KIAA1328: variants seen among roughly 807,000 people sequenced by gnomAD.
KIAA1328 encodes KIAA1328.
KIAA1328 carries 52 observed loss-of-function variants against 68.1 expected under a neutral mutation model. That is an observed-to-expected ratio of 0.76 (90% confidence interval 0.61 to 0.96). The LOEUF is 0.96. KIAA1328 is among the 40% of genes least tolerant of loss of function. KIAA1328 has a pLI of 0.00. For synonymous variants in KIAA1328, 232 were observed against 239.4 expected (o/e 0.97, Z 0.28); for missense variants, 641 against 677.6 (o/e 0.95, Z 0.60).
intron 5 of KIAA1328, among the ~76,000 whole-genome samples, chr18:36,909,231 C>T (rs1381956530): frequency 6.6e-6 from 1 of 151,978 alleles, no homozygotes; most frequent in East Asian, 1.9e-4. Flanking sequence ...GTGCTGCACC[C>T]ATTAACTCGT....
At chr18:37,165,484 A>T (rs1441875762) in intron 8 of KIAA1328, among the ~76,000 whole-genome samples, 1 of 151,340 alleles carries the variant, frequency 6.6e-6, no homozygotes. Context: ...CAATGGTGCT[A>T]TATCGGTTCA....
intron 9 of KIAA1328, among the ~76,000 whole-genome samples, chr18:37,175,978 CA>C (rs2059590646): frequency 6.6e-6 from 1 of 152,128 alleles, no homozygotes; most frequent in Non-Finnish European, 1.5e-5. Flanking sequence ...GTGAAAAAAA[CA>C]GGTGTGGCAG....
chr18:37,193,795 G>T lies in KIAA1328; in HGVS notation c.1523+20714G>T, dbSNP rs188552064. The T allele has an allele frequency of 5.0e-6, 3 of 597,582 alleles. No homozygotes were observed. In the African/African-American group the frequency reaches 5.6e-5, roughly 11 times the overall value. 37.0% of individuals were successfully genotyped at this position (597,582 alleles called of 1,614,324 possible). A position where few individuals can be genotyped will look rare whatever the true frequency, so the allele number is the denominator to read the frequency against. ...TATTTTAAAAGAACAAATTCATAGG[G>T]TATATTTTCTGAAAAGTGGGTTTCC... On this transcript the variant is annotated intron_variant, in intron 9 of 9. Coordinates refer to ENST00000280020, the MANE Select transcript of KIAA1328 (RefSeq NM_020776.3).
chr18:36,945,000 G>C (rs2050848607), intron 5 of KIAA1328, among the ~76,000 whole-genome samples: 1 of 152,140 alleles, frequency 6.6e-6, no homozygotes, highest in South Asian at 2.1e-4. Context: ...AGCTTAAGAA[G>C]AAAGCTTTGT....
chr18:36,896,953 G>A (rs1170277454), intron 5 of KIAA1328, among the ~76,000 whole-genome samples: 3 of 151,802 alleles, frequency 2.0e-5, no homozygotes, highest in Admixed American at 6.6e-5. Context: ...CCTTAGGATG[G>A]CCTTAACTTA....
chr18:37,088,478 T>G (rs1288057265), intron 7 of KIAA1328, among the ~76,000 whole-genome samples: 1 of 152,136 alleles, frequency 6.6e-6, no homozygotes, highest in African/African-American at 2.4e-5. Flanking sequence ...ATTAATGCTT[T>G]GTGTTTCTTT....
intron 6 of KIAA1328, among the ~76,000 whole-genome samples, chr18:36,974,945 A>G (rs1568239259): frequency 6.6e-6 from 1 of 152,174 alleles, no homozygotes; most frequent in Non-Finnish European, 1.5e-5. Context: ...TGCTCTTGGA[A>G]CAGCAAGTCT....
chr18:37,150,661 T>G (rs1204562488), intron 7 of KIAA1328, among the ~76,000 whole-genome samples: 1 of 152,008 alleles, frequency 6.6e-6, no homozygotes, highest in Non-Finnish European at 1.5e-5. Context: ...ACAGCTTGAC[T>G]AAATAGGCTT....
At chr18:37,034,051 A>C (rs1242032492) in intron 6 of KIAA1328, among the ~76,000 whole-genome samples, 1 of 152,156 alleles carries the variant, frequency 6.6e-6, no homozygotes, top group Non-Finnish European at 1.5e-5. Context: ...GTTACTCCAA[A>C]ATACTCCAAA....
intron 5 of KIAA1328, among the ~76,000 whole-genome samples, chr18:36,945,316 C>G (rs2050860027): frequency 6.6e-6 from 1 of 152,056 alleles, no homozygotes; most frequent in African/African-American, 2.4e-5. Flanking sequence ...ATATTAAGAA[C>G]CATTGAAGTA....
chr18:37,219,447 G>A (rs921789799), intron 9 of KIAA1328, among the ~76,000 whole-genome samples: 10 of 152,230 alleles, frequency 6.6e-5, no homozygotes, highest in African/African-American at 2.4e-5. Context: ...AGTCTACAGA[G>A]GCAGGCAGGC....
intron 5 of KIAA1328, among the ~76,000 whole-genome samples, chr18:36,938,534 C>G (rs2050588404): frequency 6.6e-6 from 1 of 152,114 alleles, no homozygotes; most frequent in Non-Finnish European, 1.5e-5. Context: ...ACTATTTTCT[C>G]CCAGTCTGTG....
intron 5 of KIAA1328, among the ~76,000 whole-genome samples, chr18:36,890,813 A>G (rs938740340): frequency 1.3e-5 from 2 of 152,230 alleles, no homozygotes; most frequent in Non-Finnish European, 2.9e-5. Flanking sequence ...GATATCAGAT[A>G]TTCTCCTAGT....
rs544370388 is a variant in KIAA1328 at position 37,026,353 on chromosome 18, A to G, written c.577-40537A>G. On this transcript the variant is annotated intron_variant, in intron 6 of 9. Transcript: ENST00000280020. ...ATTCCAATCAATAGAAAAAGAAGGA[A>G]TCCTCCCTAACTCATTTTATGAGGC... Among the ~76,000 whole-genome samples, 417 of 152,240 alleles carry G rather than the reference A, an allele frequency of 2.7e-3. 4 individuals carry two copies. Among genetic ancestry groups the G allele is most frequent in the African/African-American group, 9.7e-3 (404 of 41,548 alleles).
intron 5 of KIAA1328, among the ~76,000 whole-genome samples, chr18:36,953,886 A>G (rs1451373230): frequency 6.6e-6 from 1 of 152,086 alleles, no homozygotes; most frequent in Non-Finnish European, 1.5e-5. Flanking sequence ...CTCTTAATCT[A>G]AAATAGGCCT....
chr18:36,830,865 G>A (rs1416233825), intron 1 of KIAA1328, among the ~76,000 whole-genome samples: 1 of 152,200 alleles, frequency 6.6e-6, no homozygotes, highest in Non-Finnish European at 1.5e-5. Flanking sequence ...ATGTATGAAA[G>A]GAATTGCAAA....
In KIAA1328 at chr18:36,959,279, A is replaced by C. The variant is rs201476444; in HGVS notation, c.449-29A>C. The C allele has an allele frequency of 1.4e-4, 208 of 1,538,304 alleles. No homozygotes were observed. The African/African-American group carries it at 2.7e-3, about 20-fold the overall frequency. On this transcript the variant is annotated intron_variant, in intron 5 of 9. Transcript: ENST00000280020. ...TGGATGCAGTTTGAATCAATTTTTC[A>C]GTTTTTTTCCCTTAATTTGCAATCT...
At chr18:37,127,863 A>C (rs2151948307) in intron 7 of KIAA1328, among the ~76,000 whole-genome samples, 1 of 152,344 alleles carries the variant, frequency 6.6e-6, no homozygotes, top group East Asian at 1.9e-4. Context: ...ATAACAGTAA[A>C]CATATAGATC....
chr18:37,165,531 C>T (rs370163692), intron 8 of KIAA1328, among the ~76,000 whole-genome samples: 5 of 151,256 alleles, frequency 3.3e-5, no homozygotes, highest in South Asian at 2.1e-4. Context: ...GCAGTTCTCC[C>T]GCCTCAGCCT....
Sources: gnomAD v4.1 joint callset for allele counts (sites outside exome capture counted in the v4.1 genomes callset) on GRCh38, gnomAD v4.1.1 for gene constraint, MANE v1.5 for transcripts, NCBI Gene and HGNC (gene_info 2026-07-23, HGNC 2026-07-21) for gene names.